Variants in PRKAR1B observed in about 807,000 individuals in gnomAD.
The protein encoded by PRKAR1B is cAMP-dependent protein kinase type I-beta regulatory subunit.
A neutral mutation model predicts 46.5 loss-of-function variants in PRKAR1B; 22 were observed. That is an observed-to-expected ratio of 0.47 (90% CI 0.34 to 0.68). The LOEUF (loss-of-function observed/expected upper bound fraction) is 0.68, where lower values mean the gene tolerates loss of function less well. Among genes scored for constraint, PRKAR1B ranks in the 30% least tolerant of loss-of-function variants. The pLI is 0.01. For synonymous variants in PRKAR1B, 259 were observed against 217.7 expected (o/e 1.19, Z -1.67); for missense variants, 445 against 535.6 (o/e 0.83, Z 1.67).
In PRKAR1B at chr7:666,419, G is replaced by GGTA. The variant is rs542834253; in HGVS notation, c.440+10807_440+10809dup. On this transcript the variant is annotated intron_variant, in intron 4 of 10. Transcript: ENST00000537384. The surrounding 1 kb of genome is among the most constrained non-coding windows in gnomAD (Gnocchi z 4.9). ...AGGCGTAACTGCCCCGGGCACCCCA[G>GGTA]GTAGGATGCGGAATCTGCTTCGCTC... Among the ~76,000 whole-genome samples, 263 of 152,314 alleles carry GGTA rather than the reference G, an allele frequency of 1.7e-3. 1 individual carries two copies. Among genetic ancestry groups the GGTA allele is most frequent in the African/African-American group, 6.0e-3 (249 of 41,568 alleles).
At chr7:633,475 T>G (rs1229792374) in intron 4 of PRKAR1B, among the ~76,000 whole-genome samples, 1 of 152,096 alleles carries the variant, frequency 6.6e-6, no homozygotes, top group South Asian at 2.1e-4. Flanking sequence ...ATTTAAAAAG[T>G]AATACAGGCT....
intron 1 of PRKAR1B, among the ~76,000 whole-genome samples, chr7:720,645 T>C (rs1197010650): frequency 6.6e-6 from 1 of 152,232 alleles, no homozygotes; most frequent in Non-Finnish European, 1.5e-5. Flanking sequence ...TTCTGCTTTA[T>C]ACATGTTGAA....
Position 727,104 on chromosome 7 carries a change from C to G in PRKAR1B, c.-23+106G>C, listed in dbSNP as rs2128538410. ...CGCTCGCCGCGCGCTTGGCCGGCCC[C>G]GTGCCCGCGCGCCGCCCGCCCGAGG... On this transcript the variant is annotated intron_variant, in intron 1 of 10. Coordinates refer to ENST00000537384, the MANE Select transcript of PRKAR1B (RefSeq NM_001164760.2). 2 of 1,089,870 alleles carry G rather than the reference C, an allele frequency of 1.8e-6. No homozygotes were observed. The highest frequency in any genetic ancestry group is 1.1e-4 in the Admixed American group (2 of 18,822). The allele number at this position is 1,089,870 out of a possible 1,614,324, so 67.5% of individuals were successfully genotyped here.
At chr7:703,028 A>G (rs561123692) in intron 2 of PRKAR1B, among the ~76,000 whole-genome samples, 4 of 152,276 alleles carry the variant, frequency 2.6e-5, no homozygotes, top group African/African-American at 9.6e-5. Flanking sequence ...TGCTATCTAT[A>G]AGACACACAC....
intron 4 of PRKAR1B, among the ~76,000 whole-genome samples, chr7:668,467 G>A (rs1219521116): frequency 6.6e-6 from 1 of 152,180 alleles, no homozygotes; most frequent in Non-Finnish European, 1.5e-5. Context: ...GGAGCCCACT[G>A]GGGCTTCGAT....
chr7:624,855 A>G (rs1220710497), intron 4 of PRKAR1B, among the ~76,000 whole-genome samples: 1 of 152,248 alleles, frequency 6.6e-6, no homozygotes, highest in Non-Finnish European at 1.5e-5. Flanking sequence ...TACACAGGAA[A>G]TAAAAAAAGA....
chr7:555,480 T>C (rs1463618660), intron 9 of PRKAR1B, among the ~76,000 whole-genome samples: 1 of 152,146 alleles, frequency 6.6e-6, no homozygotes, highest in Non-Finnish European at 1.5e-5. Flanking sequence ...ATTCTCACTC[T>C]TCACACGCCC....
chr7:660,276 T>C (rs1785435690), intron 4 of PRKAR1B, among the ~76,000 whole-genome samples: 1 of 151,894 alleles, frequency 6.6e-6, no homozygotes, highest in South Asian at 2.1e-4. Flanking sequence ...CCGTCTACCA[T>C]AGCTCAATGG....
intron 9 of PRKAR1B, chr7:565,617 T>C (rs1779081601): frequency 6.6e-6 from 1 of 152,132 alleles, no homozygotes; most frequent in Non-Finnish European, 1.5e-5. Context: ...GGCTGCAAAT[T>C]AATTGATTTT....
At chr7:648,883 G>T (rs1784753035) in intron 4 of PRKAR1B, among the ~76,000 whole-genome samples, 1 of 152,112 alleles carries the variant, frequency 6.6e-6, no homozygotes, top group Non-Finnish European at 1.5e-5. Flanking sequence ...TTAACATTTG[G>T]CCAGGCACGG....
chr7:584,082 G>C (rs907150213), intron 8 of PRKAR1B, among the ~76,000 whole-genome samples: 1 of 152,294 alleles, frequency 6.6e-6, no homozygotes, highest in South Asian at 2.1e-4. Flanking sequence ...GGCTCCCAGA[G>C]AAACTGCGCT....
intron 4 of PRKAR1B, among the ~76,000 whole-genome samples, chr7:641,217 T>G (rs9692149): frequency 0.14 from 21,336 of 151,994 alleles, 1,620 homozygotes; most frequent in South Asian, 0.31. Flanking sequence ...CTCCCAAAGT[T>G]CTGGGATTAC....
chr7:555,920 G>A (rs1013928964), intron 9 of PRKAR1B, among the ~76,000 whole-genome samples: 3 of 152,146 alleles, frequency 2.0e-5, no homozygotes, highest in Admixed American at 6.5e-5. Context: ...TTGCATCCAG[G>A]CCCCCCACCT....
intron 2 of PRKAR1B, among the ~76,000 whole-genome samples, chr7:694,011 G>A (rs991712618): frequency 6.6e-6 from 1 of 152,332 alleles, no homozygotes; most frequent in Middle Eastern, 3.4e-3. Flanking sequence ...TCGGCCGGGC[G>A]TGGTGGCTCA....
chr7:691,705 T>C (rs1361711078), intron 2 of PRKAR1B: 1 of 1,264,020 alleles, frequency 7.9e-7, no homozygotes, highest in Non-Finnish European at 1.0e-6. Context: ...CAAAAGCAGC[T>C]CCTCGTGGAC....
At chr7:717,366 T>C (rs925283528) in intron 1 of PRKAR1B, among the ~76,000 whole-genome samples, 2 of 150,674 alleles carry the variant, frequency 1.3e-5, no homozygotes, top group South Asian at 2.1e-4. Flanking sequence ...GAAAAGAAAA[T>C]AACAATGTGG....
At chr7:659,314 G>A (rs115032876) in intron 4 of PRKAR1B, among the ~76,000 whole-genome samples, 53 of 152,258 alleles carry the variant, frequency 3.5e-4, no homozygotes, top group African/African-American at 1.2e-3. Flanking sequence ...TCAACCCCTC[G>A]GGCGGGGTCT....
chr7:562,244 C>T (rs1299343123), intron 9 of PRKAR1B, among the ~76,000 whole-genome samples: 1 of 103,592 alleles, frequency 9.7e-6, no homozygotes, highest in Non-Finnish European at 1.8e-5. Context: ...TGCTGCCTGC[C>T]AGGCGGGGAG....
chr7:690,362 A>C (rs1315898114), intron 2 of PRKAR1B, among the ~76,000 whole-genome samples: 2 of 151,606 alleles, frequency 1.3e-5, no homozygotes, highest in Non-Finnish European at 2.9e-5. Context: ...TGCTATGCTC[A>C]CTACCCAGCT....
Sources: gnomAD v4.1 joint callset for allele counts (sites outside exome capture counted in the v4.1 genomes callset) on GRCh38, gnomAD v4.1.1 for gene constraint, Gnocchi (gnomAD v3.1) non-coding constraint, MANE v1.5 for transcripts, NCBI Gene and HGNC (gene_info 2026-07-23, HGNC 2026-07-21) for gene names.